Variants in TRPM3 observed in about 807,000 individuals in gnomAD.
The protein encoded by TRPM3 is transient receptor potential cation channel subfamily M member 3.
TRPM3 carries 77 observed loss-of-function variants against 181.2 expected under a neutral mutation model. The ratio of observed to expected loss-of-function variants is 0.42; its 90% CI spans 0.35 to 0.51. The LOEUF (loss-of-function observed/expected upper bound fraction) is 0.51. Ranked by LOEUF, TRPM3 falls within the 20% of genes least tolerant of loss-of-function variation. TRPM3 has a pLI of 0.01. For synonymous variants in TRPM3, 745 were observed against 796.4 expected (o/e 0.94, Z 1.09); for missense variants, 1,759 against 2,196.7 (o/e 0.80, Z 3.98).
intron 22 of TRPM3, among the ~76,000 whole-genome samples, chr9:70,587,734 C>A (rs1049650983): frequency 6.6e-6 from 1 of 152,226 alleles, no homozygotes; most frequent in Non-Finnish European, 1.5e-5. Flanking sequence ...ATGCATTTAA[C>A]AACCCAGGGC....
chr9:71,141,660 T>C (rs2075106849), intron 1 of TRPM3, among the ~76,000 whole-genome samples: 1 of 152,208 alleles, frequency 6.6e-6, no homozygotes, highest in African/African-American at 2.4e-5. Flanking sequence ...TACATGTCAG[T>C]GTTTGAAGCA....
At chr9:70,558,360 C>T (rs2048248685) in intron 22 of TRPM3, among the ~76,000 whole-genome samples, 1 of 152,168 alleles carries the variant, frequency 6.6e-6, no homozygotes, top group Non-Finnish European at 1.5e-5. Flanking sequence ...ACCTCTAGCC[C>T]TTGTCCACAA....
At chr9:71,008,815 C>T (rs573914682) in intron 1 of TRPM3, among the ~76,000 whole-genome samples, 15 of 152,258 alleles carry the variant, frequency 9.9e-5, no homozygotes, top group South Asian at 4.1e-4. Flanking sequence ...ACTGAACTCC[C>T]GCCTAGGCGA....
In TRPM3 at chr9:71,025,698, T is replaced by C. The variant is rs78243031; in HGVS notation, c.177+95480A>G. Reference sequence around the variant, plus strand: ...GCTTGCATCCAACAGAGAAAATGAGTTTGGGTTTTTTTCCTGCTTCTAAGA... The same window carrying C: ...GCTTGCATCCAACAGAGAAAATGAGCTTGGGTTTTTTTCCTGCTTCTAAGA... On this transcript the variant is annotated intron_variant, in intron 1 of 25. Transcript: ENST00000677713. Among the ~76,000 whole-genome samples the C allele has an allele frequency of 5.0e-3, 757 of 151,866 alleles. 19 individuals carry two copies. The East Asian group carries it at 0.078, about 16-fold the overall frequency.
At chr9:71,406,676 A>G (rs1279522484) in intron 1 of TRPM3, among the ~76,000 whole-genome samples, 1 of 152,226 alleles carries the variant, frequency 6.6e-6, no homozygotes, top group Non-Finnish European at 1.5e-5. Context: ...ATTTTGTTCA[A>G]TCATCCTTGT....
chr9:70,827,704 T>G, intron 6 of TRPM3, 143 bp downstream of exon 6: 2 of 1,031,130 alleles, frequency 1.9e-6, no homozygotes, highest in Non-Finnish European at 2.8e-6. Flanking sequence ...TTCCTCTCAT[T>G]CTAAGCTCTG....
intron 1 of TRPM3, among the ~76,000 whole-genome samples, chr9:71,009,664 T>C (rs2134347983): frequency 6.6e-6 from 1 of 152,250 alleles, no homozygotes; most frequent in African/African-American, 2.4e-5. Context: ...TTACTCACAG[T>C]GATGTACAGA....
intron 1 of TRPM3, among the ~76,000 whole-genome samples, chr9:71,251,420 A>C (rs1169316352): frequency 1.3e-5 from 2 of 152,100 alleles, no homozygotes; most frequent in African/African-American, 4.8e-5. Flanking sequence ...ATTTTTTTGC[A>C]ATCCCATAAT....
chr9:71,334,251 A>C (rs2132558197), intron 1 of TRPM3, among the ~76,000 whole-genome samples: 1 of 151,788 alleles, frequency 6.6e-6, no homozygotes, highest in Non-Finnish European at 1.5e-5. Context: ...TCTAATATTA[A>C]ATCTGCCTAA....
intron 1 of TRPM3, among the ~76,000 whole-genome samples, chr9:71,087,127 C>A (rs2065409898): frequency 1.3e-5 from 2 of 151,966 alleles, no homozygotes; most frequent in Admixed American, 1.3e-4. Flanking sequence ...GAAATTAAAG[C>A]CAGACCCTCA....
chr9:71,415,890 CAAA>C (rs1367898768), intron 1 of TRPM3, among the ~76,000 whole-genome samples: 1 of 151,654 alleles, frequency 6.6e-6, no homozygotes, highest in African/African-American at 2.4e-5. Flanking sequence ...AGATTATTTC[CAAA>C]AACACTCACC....
rs2040739955 is a variant in TRPM3 at position 70,530,573 on chromosome 9, T to C, written c.*5380A>G. ...AAAATTCACCTCATTCTTATTGCCATCTGGATTACCTGGTCACCAAAATCC... is the reference window on the plus strand; with the variant it reads ...AAAATTCACCTCATTCTTATTGCCACCTGGATTACCTGGTCACCAAAATCC... On this transcript the variant is annotated 3_prime_UTR_variant, in exon 26 of 26. Transcript: ENST00000677713. The C allele has an allele frequency of 6.6e-6, 1 of 152,230 alleles. No individual in the cohort carries two copies. Among genetic ancestry groups the C allele is most frequent in the South Asian group, 2.1e-4 (1 of 4,834 alleles). The allele number at this position is 152,230 out of a possible 1,614,324, so 9.4% of individuals were successfully genotyped here.
chr9:70,799,610 C>T (rs753629691), intron 6 of TRPM3, among the ~76,000 whole-genome samples: 1 of 152,180 alleles, frequency 6.6e-6, no homozygotes, highest in Non-Finnish European at 1.5e-5. Context: ...CTTTACTTCT[C>T]TCCACATATA....
At chr9:71,335,627 G>A (rs2090498788) in intron 1 of TRPM3, among the ~76,000 whole-genome samples, 1 of 151,896 alleles carries the variant, frequency 6.6e-6, no homozygotes. Flanking sequence ...CCTAATGTTT[G>A]GCCCCCAGGA....
intron 1 of TRPM3, among the ~76,000 whole-genome samples, chr9:71,052,039 A>G (rs1483791819): frequency 2.0e-5 from 3 of 152,144 alleles, no homozygotes; most frequent in Non-Finnish European, 2.9e-5. Context: ...CATATTAGAG[A>G]AATCTGAAGT....
intron 1 of TRPM3, among the ~76,000 whole-genome samples, chr9:71,113,747 G>C (rs572916360): frequency 2.4e-4 from 36 of 152,296 alleles, no homozygotes; most frequent in African/African-American, 8.4e-4. Context: ...TGTATAGAGA[G>C]ATACTGAGTG....
chr9:70,803,770 T>C (rs545795887), intron 6 of TRPM3, among the ~76,000 whole-genome samples: 53 of 145,502 alleles, frequency 3.6e-4, no homozygotes, highest in Middle Eastern at 3.6e-3. Context: ...TTTTTACCTA[T>C]AGCAAGCCAC....
At chr9:71,256,386 G>T (rs1186660375) in intron 1 of TRPM3, among the ~76,000 whole-genome samples, 1 of 152,042 alleles carries the variant, frequency 6.6e-6, no homozygotes. Context: ...CTATGTGACA[G>T]GTGCGAGGCA....
At chr9:71,088,590 T>G (rs1456436078) in intron 1 of TRPM3, among the ~76,000 whole-genome samples, 2 of 152,102 alleles carry the variant, frequency 1.3e-5, no homozygotes, top group East Asian at 3.9e-4. Flanking sequence ...TACTTAATTG[T>G]AGAAAGTCCA....
Sources: allele counts gnomAD v4.1 joint callset (sites outside exome capture counted in the v4.1 genomes callset), GRCh38; gene constraint gnomAD v4.1.1; transcripts MANE v1.5; gene names NCBI Gene and HGNC (gene_info 2026-07-23, HGNC 2026-07-21).